The following DIS3L2 variants were observed in gnomAD, a reference collection of about 807,000 sequenced individuals.
DIS3L2 encodes the protein DIS3 like 3'-5' exoribonuclease 2.
DIS3L2 carries 34 observed loss-of-function variants against 97.5 expected under a neutral mutation model. That is an observed-to-expected ratio of 0.35 (90% CI 0.27 to 0.46). The LOEUF is 0.46. Ranked by LOEUF, DIS3L2 falls within the 20% of genes least tolerant of loss-of-function variation. DIS3L2 has a pLI of 1.00. For synonymous variants in DIS3L2, 435 were observed against 445.2 expected (o/e 0.98, Z 0.29); for missense variants, 1,038 against 1,146.0 (o/e 0.91, Z 1.36).
rs564345052 is a variant in DIS3L2 at position 232,289,358 on chromosome 2, C to T, written c.1660-10682C>T. On this transcript the variant is annotated intron_variant, in intron 13 of 20. Coordinates refer to ENST00000325385, the MANE Select transcript of DIS3L2 (RefSeq NM_152383.5). ...CACCATCTTGGCTCACTGCAACCTCCGCCTCCTGGGTTCAAGCGATTCTCC... is the reference window on the plus strand; with the variant it reads ...CACCATCTTGGCTCACTGCAACCTCTGCCTCCTGGGTTCAAGCGATTCTCC... Among the ~76,000 whole-genome samples the T allele has an allele frequency of 3.3e-5, 5 of 151,932 alleles. No individual in the cohort carries two copies. In the South Asian group the frequency reaches 8.3e-4, roughly 25 times the overall value.
chr2:232,086,256 G>T (rs1486405558), intron 5 of DIS3L2, among the ~76,000 whole-genome samples: 1 of 146,034 alleles, frequency 6.8e-6, no homozygotes, highest in African/African-American at 2.6e-5. Flanking sequence ...CACACGTATA[G>T]ACGTGTATAC....
Position 232,269,171 on chromosome 2 carries a change from A to C in DIS3L2, c.1659+5731A>C, listed in dbSNP as rs1358590014. Among the ~76,000 whole-genome samples the C allele has an allele frequency of 6.6e-6, 1 of 152,178 alleles. No homozygotes were observed. The highest frequency in any genetic ancestry group is 2.4e-5 in the African/African-American group (1 of 41,458). Reference sequence around the variant, plus strand: ...CTGCTCATGGCAAAATGTAGCGCTAAGGAAACTGTGTAGCATTTCTCCCCC... The same window carrying C: ...CTGCTCATGGCAAAATGTAGCGCTACGGAAACTGTGTAGCATTTCTCCCCC... On this transcript the variant is annotated intron_variant, in intron 13 of 20. Transcript: ENST00000325385. The surrounding 1 kb of genome is among the most constrained non-coding windows in gnomAD (Gnocchi z 4.5).
At chr2:231,966,171 C>CCT (rs1553593877) in intron 1 of DIS3L2, among the ~76,000 whole-genome samples, 6,350 of 140,466 alleles carry the variant, frequency 0.045, 452 homozygotes, top group African/African-American at 0.15. Flanking sequence ...TCTTCTTCTT[C>CCT]TTTTTTTTTT....
rs146308284 is a variant in DIS3L2 at position 232,307,282 on chromosome 2, T to G, written c.1739+7163T>G. Among the ~76,000 whole-genome samples the G allele has an allele frequency of 8.5e-3, 1,293 of 152,346 alleles. 22 individuals carry two copies. Among genetic ancestry groups the G allele is most frequent in the Admixed American group, 0.049 (747 of 15,298 alleles). On this transcript the variant is annotated intron_variant, in intron 14 of 20. Coordinates refer to ENST00000325385, the MANE Select transcript of DIS3L2 (RefSeq NM_152383.5). ...TGAAGGGAAGGTGGGGGACCTGATT[T>G]AGTCCTTTAGGAAGGGAGGGAGCAT...
At chr2:232,121,192 A>T (rs1429005196) in intron 6 of DIS3L2, among the ~76,000 whole-genome samples, 9 of 152,082 alleles carry the variant, frequency 5.9e-5, no homozygotes. Flanking sequence ...GATTAGTCTC[A>T]CTAGGGTCAC....
chr2:232,333,203 TCCTC>T lies in DIS3L2; in HGVS notation c.2011-635_2011-632del, dbSNP rs1559218558. Among the ~76,000 whole-genome samples the T allele has an allele frequency of 6.0e-4, 42 of 70,454 alleles. 1 individual carries two copies. The highest frequency in any genetic ancestry group is 5.7e-3 in the Middle Eastern group (1 of 174). 46.2% of individuals were successfully genotyped at this position (70,454 alleles called of 152,430 possible). On this transcript the variant is annotated intron_variant, in intron 16 of 20. Coordinates refer to ENST00000325385, the MANE Select transcript of DIS3L2 (RefSeq NM_152383.5). The stretch of plus-strand genomic sequence containing the variant: ...CTCCTCCTCCTCCTCCTCCTCCTCC[TCCTC>T]CTCCTCCTCCTCCGCTGTCGCCTCC...
chr2:232,009,515 C>T (rs1459640371), intron 1 of DIS3L2, among the ~76,000 whole-genome samples: 2 of 152,016 alleles, frequency 1.3e-5, no homozygotes, highest in Admixed American at 6.6e-5. Flanking sequence ...CCTGGGTCAG[C>T]GTATCTTAGT....
chr2:231,963,340 A>G (rs1378589970), intron 1 of DIS3L2, among the ~76,000 whole-genome samples: 3 of 152,090 alleles, frequency 2.0e-5, no homozygotes, highest in African/African-American at 7.2e-5. Flanking sequence ...AGTCATGATC[A>G]TGTTTTCCAT....
At chr2:232,340,553 TGTGGCTA>T (rs1696081157), downstream of DIS3L2, among the ~76,000 whole-genome samples, 1 of 152,138 alleles carries the variant, frequency 6.6e-6, no homozygotes, top group Non-Finnish European at 1.5e-5. Context: ...CAGGGGGATG[TGTGGCTA>T]AGTGCATAAG....
chr2:232,298,755 A>G (rs893924165), intron 13 of DIS3L2, among the ~76,000 whole-genome samples: 1 of 152,210 alleles, frequency 6.6e-6, no homozygotes. Flanking sequence ...CTAGTGCTTT[A>G]AAAACCCAGT....
chr2:232,191,349 T>C (rs188149947), intron 9 of DIS3L2, among the ~76,000 whole-genome samples: 1 of 152,312 alleles, frequency 6.6e-6, no homozygotes, highest in East Asian at 1.9e-4. Flanking sequence ...CGAGGGTGGA[T>C]TTAATTTTTG....
At chr2:232,023,229 C>T (rs1426177659) in intron 3 of DIS3L2, 1 of 152,112 alleles carries the variant, frequency 6.6e-6, no homozygotes, top group Non-Finnish European at 1.5e-5. Context: ...TGAATATAGT[C>T]CATACTCAAT....
chr2:232,147,077 C>T (rs965637207), intron 8 of DIS3L2, among the ~76,000 whole-genome samples: 1 of 152,070 alleles, frequency 6.6e-6, no homozygotes, highest in Non-Finnish European at 1.5e-5. Context: ...TGTTGCTTGA[C>T]ATCTAAATTA....
intron 9 of DIS3L2, among the ~76,000 whole-genome samples, chr2:232,194,471 G>GT (rs1465315658): frequency 6.6e-6 from 1 of 152,200 alleles, no homozygotes; most frequent in Non-Finnish European, 1.5e-5. Context: ...GTCACATTAA[G>GT]TAAGAATGGA....
chr2:232,239,582 C>T (rs899949356), intron 11 of DIS3L2, among the ~76,000 whole-genome samples: 1 of 152,180 alleles, frequency 6.6e-6, no homozygotes, highest in Non-Finnish European at 1.5e-5. Flanking sequence ...TCTGCCTATA[C>T]TAGCTTGAGC....
intron 6 of DIS3L2, among the ~76,000 whole-genome samples, chr2:232,088,390 C>CAAAAAAAAAAAAAA (rs778505065): frequency 1.8e-5 from 1 of 55,688 alleles, no homozygotes; most frequent in African/African-American, 6.4e-5. Context: ...ACTAAAAATA[C>CAAAAAAAAAAAAAA]AAAAAAAAAA....
chr2:232,001,715 CTTTT>C (rs36048859), intron 1 of DIS3L2, among the ~76,000 whole-genome samples: 3 of 60,052 alleles, frequency 5.0e-5, no homozygotes, highest in Admixed American at 2.2e-4. Context: ...ATCTTTAATT[CTTTT>C]TTTTTTTTTT....
intron 8 of DIS3L2, among the ~76,000 whole-genome samples, chr2:232,149,264 G>T (rs1473629109): frequency 7.0e-6 from 1 of 142,644 alleles, no homozygotes; most frequent in African/African-American, 2.7e-5. Flanking sequence ...AGTTACATAT[G>T]TATACATGTG....
At chr2:232,027,033 T>G (rs1462996527) in intron 4 of DIS3L2, among the ~76,000 whole-genome samples, 1 of 152,138 alleles carries the variant, frequency 6.6e-6, no homozygotes, top group African/African-American at 2.4e-5. Context: ...TGCAAGTGAT[T>G]GTATACACTC....
Sources: gnomAD v4.1 joint callset for allele counts (sites outside exome capture counted in the v4.1 genomes callset) on GRCh38, gnomAD v4.1.1 for gene constraint, Gnocchi (gnomAD v3.1) non-coding constraint, MANE v1.5 for transcripts, NCBI Gene and HGNC (gene_info 2026-07-23, HGNC 2026-07-21) for gene names.